Variants in DDX46 observed in about 807,000 individuals in gnomAD.
DDX46 encodes the protein DEAD-box helicase 46.
In DDX46, 30 loss-of-function variants were observed where a neutral mutation model predicts 134.9. The observed-to-expected ratio is 0.22, with a 90% CI of 0.17 to 0.30. DDX46 has a LOEUF of 0.30. DDX46 is among the 10% of genes least tolerant of loss of function. The probability of loss-of-function intolerance (pLI) is 1.00; values close to 1 mark genes in which losing one functional copy is unlikely to be tolerated. For missense variants in DDX46, 622 were observed against 1,248.7 expected, an observed-to-expected ratio of 0.50 and a Z score of 7.56; for synonymous variants, 415 against 404.1, an observed-to-expected ratio of 1.03 and a Z score of -0.32.
intron 2 of DDX46, among the ~76,000 whole-genome samples, 188 bp downstream of exon 2, chr5:134,764,280 T>TG (rs1408652454): frequency 6.6e-6 from 1 of 151,860 alleles, no homozygotes; most frequent in Non-Finnish European, 1.5e-5. Flanking sequence ...ACAGTGTTTT[T>TG]TTTTTTTTTT....
chr5:134,790,057 A>G (rs1228821388), intron 12 of DDX46: 2 of 457,922 alleles, frequency 4.4e-6, no homozygotes, highest in African/African-American at 4.0e-5. Context: ...TTAGCACTAG[A>G]ACTTGCTTTC....
intron 1 of DDX46, among the ~76,000 whole-genome samples, chr5:134,761,030 G>GT (rs1044974162): frequency 2.7e-5 from 4 of 150,370 alleles, no homozygotes; most frequent in Admixed American, 2.0e-4. Context: ...CACCCGGCCT[G>GT]TTTTTTTGTT....
intron 19 of DDX46, chr5:134,817,151 A>G (rs888941471): frequency 2.4e-5 from 5 of 211,102 alleles, no homozygotes; most frequent in African/African-American, 1.2e-4. Flanking sequence ...AAACATTCAA[A>G]TTCGGAGGAG....
intron 11 of DDX46, 37 bp from the exon 12 acceptor site, chr5:134,788,476 T>A: frequency 1.3e-6 from 2 of 1,539,726 alleles, no homozygotes; most frequent in Non-Finnish European, 1.8e-6. Flanking sequence ...TAAGTAAGCA[T>A]TAGTAATAGA....
At chr5:134,816,390 A>AT (rs757011280) in intron 18 of DDX46, 40 bp from the exon 19 acceptor site, 1 of 1,533,134 alleles carries the variant, frequency 6.5e-7, no homozygotes, top group Admixed American at 2.2e-5. Flanking sequence ...GGTATTTCTA[A>AT]TTCAGTTTTT....
At chr5:134,782,193 GAA>G (rs1754175455) in intron 8 of DDX46, 107 bp downstream of exon 8, 3 of 1,197,640 alleles carry the variant, frequency 2.5e-6, no homozygotes, top group African/African-American at 1.6e-5. Context: ...GGGTGTTTTG[GAA>G]ATATTTTTAA....
At position 134,816,584 on chromosome 5, in the gene DDX46, A is replaced by C; in HGVS notation, c.2591A>C (p.Asn864Thr). The C allele has an allele frequency of 5.6e-6, 9 of 1,613,532 alleles. No homozygotes were observed. The highest frequency in any genetic ancestry group is 7.6e-6 in the Non-Finnish European group (9 of 1,179,894). ...GCTCTTAGAATCAATGCCCAGAAGA[A>C]TTTGGGCATCGAGTCTCAGGTATTA... ...RLALRINAQK[N>T]LGIESQVDVM... Residue 864 changes from asparagine to threonine, a missense_variant, in exon 19 of 23, where the codon AAT becomes ACT. Physicochemically the swap from Asn to Thr is moderately conservative, Grantham distance 65. Around this residue, in one of 8 missense-constraint regions of DDX46, gnomAD observed 76 missense variants for 213.0 expected, o/e 0.36. Coordinates refer to ENST00000452510, the MANE Select transcript of DDX46 (RefSeq NM_001300860.2).
intron 22 of DDX46, 134 bp downstream of exon 22, chr5:134,827,154 G>T: frequency 1.3e-6 from 1 of 752,306 alleles, no homozygotes; most frequent in Non-Finnish European, 2.1e-6. Flanking sequence ...TACCAGTGTA[G>T]TCACTACCCA....
chr5:134,776,317 G>T (rs963790550), intron 5 of DDX46, among the ~76,000 whole-genome samples: 1 of 151,902 alleles, frequency 6.6e-6, no homozygotes, highest in Non-Finnish European at 1.5e-5. Context: ...TTGAACCTGG[G>T]AGGTGAAGGT....
At chr5:134,769,086 T>C (rs1753675012) in intron 3 of DDX46, among the ~76,000 whole-genome samples, 1 of 152,100 alleles carries the variant, frequency 6.6e-6, no homozygotes, top group Non-Finnish European at 1.5e-5. Context: ...CATTAGAACA[T>C]TAGAACATTC....
intron 1 of DDX46, among the ~76,000 whole-genome samples, chr5:134,762,872 T>G (rs1753434873): frequency 6.6e-6 from 1 of 152,036 alleles, no homozygotes; most frequent in South Asian, 2.1e-4. Context: ...CTGGCTAACA[T>G]GGTGAAACCC....
At chr5:134,824,644 T>A (rs1755541549) in intron 21 of DDX46, among the ~76,000 whole-genome samples, 1 of 152,196 alleles carries the variant, frequency 6.6e-6, no homozygotes, top group Non-Finnish European at 1.5e-5. Flanking sequence ...GTTTGGTAAT[T>A]TAAGTGATCT....
intron 3 of DDX46, among the ~76,000 whole-genome samples, chr5:134,767,276 T>G (rs1192239739): frequency 6.6e-6 from 1 of 152,192 alleles, no homozygotes. Context: ...ATTCAATACA[T>G]TGTATTCTTA....
chr5:134,798,761 C>T (rs1056412322), intron 15 of DDX46, among the ~76,000 whole-genome samples: 4 of 152,140 alleles, frequency 2.6e-5, no homozygotes, highest in African/African-American at 7.2e-5. Flanking sequence ...TGGTCTTTTT[C>T]ACTTAGCAAA....
chr5:134,771,966 C>G (rs939808592), intron 4 of DDX46, among the ~76,000 whole-genome samples: 2 of 152,172 alleles, frequency 1.3e-5, no homozygotes, highest in Non-Finnish European at 2.9e-5. Context: ...CACAGTGGCT[C>G]GTGCCTGTAA....
rs1034302742 is a variant in DDX46 at position 134,773,942 on chromosome 5, C to G, written c.613+81C>G. 5 of 1,349,180 alleles carry G rather than the reference C, an allele frequency of 3.7e-6. No homozygotes were observed. In the African/African-American group the frequency reaches 5.9e-5, roughly 16 times the overall value. 83.6% of individuals were successfully genotyped at this position (1,349,180 alleles called of 1,614,324 possible). On this transcript the variant is annotated intron_variant, in intron 5 of 22. Coordinates refer to ENST00000452510, the MANE Select transcript of DDX46 (RefSeq NM_001300860.2). ...TAATATTTCATAAGGGGTTTTTAAT[C>G]TTTTTTATTGTTGAAAACTATGCAT...
chr5:134,784,648 T>C, intron 10 of DDX46, 107 bp downstream of exon 10: 2 of 1,281,362 alleles, frequency 1.6e-6, no homozygotes, highest in Non-Finnish European at 2.1e-6. Flanking sequence ...GTTGTCTTTA[T>C]GTACATTTTC....
chr5:134,795,126 G>A (rs565719188), intron 14 of DDX46, 112 bp downstream of exon 14: 817 of 1,215,450 alleles, frequency 6.7e-4, no homozygotes, highest in Non-Finnish European at 9.1e-4. Context: ...AAATCAAGTC[G>A]TATACCACTA....
intron 1 of DDX46, among the ~76,000 whole-genome samples, chr5:134,760,911 A>G (rs1015286342): frequency 6.6e-5 from 10 of 151,622 alleles, no homozygotes; most frequent in Non-Finnish European, 1.5e-4. Flanking sequence ...TGTATTTTTT[A>G]GTAGAGACGG....
Sources: allele counts gnomAD v4.1 joint callset (sites outside exome capture counted in the v4.1 genomes callset), GRCh38; gene constraint gnomAD v4.1.1; regional missense constraint gnomAD v4.1.1; transcripts MANE v1.5; gene names NCBI Gene and HGNC (gene_info 2026-07-23, HGNC 2026-07-21).